PDZD2: variants seen among roughly 807,000 people sequenced by gnomAD.
PDZD2 encodes PDZ domain containing 2.
Under a neutral mutation model 220.7 loss-of-function variants are expected in PDZD2, and 90 were observed. The ratio of observed to expected loss-of-function variants is 0.41; its 90% CI spans 0.34 to 0.49. The LOEUF (loss-of-function observed/expected upper bound fraction) is 0.49. Among genes scored for constraint, PDZD2 ranks in the 20% least tolerant of loss-of-function variants. The pLI, the probability that PDZD2 is intolerant of heterozygous loss-of-function variation, is 0.28. For missense variants in PDZD2, 3,174 were observed against 3,608.5 expected (o/e 0.88, Z 3.08); for synonymous variants, 1,375 against 1,450.5 (o/e 0.95, Z 1.18).
chr5:31,735,327 T>C (rs551087462), intron 1 of PDZD2, among the ~76,000 whole-genome samples: 22 of 152,326 alleles, frequency 1.4e-4, no homozygotes, highest in African/African-American at 5.3e-4. Flanking sequence ...GTGCTGTCAC[T>C]GGGTCACTGC....
intron 1 of PDZD2, among the ~76,000 whole-genome samples, chr5:31,650,161 G>C (rs1223345748): frequency 1.3e-5 from 2 of 151,752 alleles, no homozygotes; most frequent in Non-Finnish European, 2.9e-5. Context: ...CTGTGTCCTG[G>C]GTTTATGAGC....
At chr5:31,776,438 A>G (rs867769313) in intron 1 of PDZD2, among the ~76,000 whole-genome samples, 5 of 148,860 alleles carry the variant, frequency 3.4e-5, no homozygotes, top group Non-Finnish European at 5.9e-5. Flanking sequence ...CTCCCCATAC[A>G]TTGTGTTTTT....
chr5:31,938,500 A>G (rs1745950554), intron 2 of PDZD2, among the ~76,000 whole-genome samples: 1 of 152,134 alleles, frequency 6.6e-6, no homozygotes, highest in African/African-American at 2.4e-5. Flanking sequence ...TGGAAAAGAC[A>G]CCTATGAGTC....
chr5:31,982,114 T>G (rs1453504646), intron 2 of PDZD2, among the ~76,000 whole-genome samples: 3 of 152,226 alleles, frequency 2.0e-5, no homozygotes, highest in Non-Finnish European at 4.4e-5. Context: ...AACAGCCTTT[T>G]GTCCTGGTCC....
intron 2 of PDZD2, among the ~76,000 whole-genome samples, chr5:31,953,103 G>T (rs1747328265): frequency 6.6e-6 from 1 of 151,682 alleles, no homozygotes. Context: ...ATAAAGAGGG[G>T]TTCTCACCAG....
At chr5:32,017,375 G>A (rs377632941) in intron 6 of PDZD2, among the ~76,000 whole-genome samples, 24 of 151,948 alleles carry the variant, frequency 1.6e-4, no homozygotes, top group Admixed American at 1.3e-3. Flanking sequence ...GGAGGCAGAC[G>A]TGGCAGTGAG....
chr5:31,743,942 C>T (rs1433193377), intron 1 of PDZD2: 1 of 152,238 alleles, frequency 6.6e-6, no homozygotes, highest in Non-Finnish European at 1.5e-5. Flanking sequence ...CTAATTGGCT[C>T]AGGCGGCATC....
intron 2 of PDZD2, among the ~76,000 whole-genome samples, chr5:31,953,206 T>C (rs1289744234): frequency 1.3e-5 from 2 of 152,066 alleles, no homozygotes; most frequent in Non-Finnish European, 2.9e-5. Context: ...GAATCCCAAA[T>C]TGGCCCATAT....
chr5:31,919,577 C>A (rs1027428101), intron 2 of PDZD2, among the ~76,000 whole-genome samples: 8 of 151,938 alleles, frequency 5.3e-5, no homozygotes, highest in Non-Finnish European at 1.2e-4. Flanking sequence ...AAACTCCTGA[C>A]CTCAGGTGAT....
At chr5:31,887,819 CG>C (rs1740650430) in intron 2 of PDZD2, among the ~76,000 whole-genome samples, 1 of 136,492 alleles carries the variant, frequency 7.3e-6, no homozygotes, top group East Asian at 2.1e-4. Context: ...GTTTTATGTG[CG>C]GGGGAGGGGG....
chr5:32,061,284 T>G, intron 14 of PDZD2, 150 bp downstream of exon 14: 5 of 653,276 alleles, frequency 7.7e-6, no homozygotes, highest in Non-Finnish European at 1.1e-5. Flanking sequence ...ATCTGGACTT[T>G]GTCTTCACAG....
At chr5:31,859,102 G>A (rs1033719800) in intron 2 of PDZD2, among the ~76,000 whole-genome samples, 1 of 151,800 alleles carries the variant, frequency 6.6e-6, no homozygotes, top group African/African-American at 2.4e-5. Context: ...CTCAGCATGA[G>A]GACCATTTTC....
At chr5:31,865,785 C>T (rs1360194131) in intron 2 of PDZD2, among the ~76,000 whole-genome samples, 1 of 151,284 alleles carries the variant, frequency 6.6e-6, no homozygotes, top group African/African-American at 2.4e-5. Context: ...GCGCCCACCA[C>T]CACGCCCGGC....
At chr5:31,701,947 G>A (rs1307653737) in intron 1 of PDZD2, among the ~76,000 whole-genome samples, 1 of 152,202 alleles carries the variant, frequency 6.6e-6, no homozygotes, top group Non-Finnish European at 1.5e-5. Flanking sequence ...CAGACATCAG[G>A]ATTTGAGGGG....
intron 2 of PDZD2, among the ~76,000 whole-genome samples, chr5:31,948,317 G>T (rs568195948): frequency 6.6e-6 from 1 of 152,308 alleles, no homozygotes; most frequent in Admixed American, 6.5e-5. Context: ...TGATACCTCT[G>T]CTGCTGCCGT....
Position 32,052,470 on chromosome 5 carries a change from T to A in PDZD2, c.1666-141T>A, listed in dbSNP as rs564737638. On this transcript the variant is annotated intron_variant, in intron 8 of 24. Transcript: ENST00000438447. Reference sequence around the variant, plus strand: ...ACCTGCGATAGTATTTATAGGAAACTTTTTTAAGTCACTGAACCAGAGAGA... The same window carrying A: ...ACCTGCGATAGTATTTATAGGAAACATTTTTAAGTCACTGAACCAGAGAGA... 4.3e-5 allele frequency: 35 copies of A among 810,000 alleles called. No individual in the cohort carries two copies. The African/African-American group carries it at 5.6e-4, about 13-fold the overall frequency. The allele number at this position is 810,000 out of a possible 1,614,324, so 50.2% of individuals were successfully genotyped here.
At chr5:31,879,452 ACACT>A (rs1398404989) in intron 2 of PDZD2, among the ~76,000 whole-genome samples, 1 of 151,854 alleles carries the variant, frequency 6.6e-6, no homozygotes, top group East Asian at 1.9e-4. Context: ...GTTGTCACAC[ACACT>A]ATTTTTTTTT....
At chr5:31,843,798 G>T (rs1757449139) in intron 2 of PDZD2, 1 of 152,280 alleles carries the variant, frequency 6.6e-6, no homozygotes, top group Admixed American at 6.5e-5. Context: ...AAGTGAGGTG[G>T]GCCCTTTGTA....
intron 3 of PDZD2, among the ~76,000 whole-genome samples, chr5:31,988,509 A>C (rs190137802): frequency 4.0e-5 from 6 of 149,652 alleles, no homozygotes; most frequent in African/African-American, 1.3e-4. Context: ...TGTATTCACC[A>C]TCCTGGAAGC....
Sources: gnomAD v4.1 joint callset for allele counts (sites outside exome capture counted in the v4.1 genomes callset) on GRCh38, gnomAD v4.1.1 for gene constraint, MANE v1.5 for transcripts, NCBI Gene and HGNC (gene_info 2026-07-23, HGNC 2026-07-21) for gene names.